Variants in CDC14A observed in about 807,000 individuals in gnomAD.
CDC14A encodes dual specificity protein phosphatase CDC14A.
Under a neutral mutation model 74.4 loss-of-function variants are expected in CDC14A, and 53 were observed. The ratio of observed to expected loss-of-function variants is 0.71; its 90% CI spans 0.57 to 0.89. CDC14A has a LOEUF of 0.89. CDC14A is among the 40% of genes least tolerant of loss of function. The pLI is 0.00. For synonymous variants in CDC14A, 247 were observed against 258.4 expected (o/e 0.96, Z 0.43); for missense variants, 646 against 713.7 (o/e 0.91, Z 1.08).
At chr1:100,485,757 A>G (rs1366459239) in intron 11 of CDC14A, 1 of 152,184 alleles carries the variant, frequency 6.6e-6, no homozygotes, top group Non-Finnish European at 1.5e-5. Flanking sequence ...TGGCATCCCA[A>G]ACAGATTTCT....
At chr1:100,463,487 T>TG (rs1667509098) in intron 9 of CDC14A, among the ~76,000 whole-genome samples, 1 of 152,204 alleles carries the variant, frequency 6.6e-6, no homozygotes, top group South Asian at 2.1e-4. Flanking sequence ...CTCTGATCTC[T>TG]GGGGGTGGAT....
At chr1:100,504,884 A>G (rs1476465021) in intron 15 of CDC14A, 25 of 1,535,178 alleles carry the variant, frequency 1.6e-5, no homozygotes, top group South Asian at 5.9e-5. Flanking sequence ...CCAATTTCTC[A>G]TCTTTAAATA....
At chr1:100,346,303 G>T (rs7516666) in intron 1 of CDC14A, among the ~76,000 whole-genome samples, 107,384 of 152,058 alleles carry the variant, frequency 0.71, 38,208 homozygotes, top group East Asian at 0.86. Context: ...TCTATTTTTG[G>T]AGTAAAAATG....
chr1:100,492,590 C>A (rs1036863796), intron 11 of CDC14A, among the ~76,000 whole-genome samples: 6 of 152,114 alleles, frequency 3.9e-5, no homozygotes, highest in African/African-American at 1.4e-4. Flanking sequence ...AAACATTGTT[C>A]ACGGTTGAGC....
chr1:100,431,758 G>T (rs1484097406), intron 5 of CDC14A, among the ~76,000 whole-genome samples: 7 of 151,952 alleles, frequency 4.6e-5, no homozygotes, highest in Non-Finnish European at 8.8e-5. Flanking sequence ...GTTTAGGTGG[G>T]AGGATTGCTT....
chr1:100,497,493 A>G lies in CDC14A; in HGVS notation c.1299-592A>G, dbSNP rs562255753. Among the ~76,000 whole-genome samples, 8 of 152,382 alleles carry G rather than the reference A, an allele frequency of 5.2e-5. No individual in the cohort carries two copies. The South Asian group carries it at 8.3e-4, about 16-fold the overall frequency. On this transcript the variant is annotated intron_variant, in intron 13 of 15. Coordinates refer to ENST00000336454, the MANE Select transcript of CDC14A (RefSeq NM_003672.4). ...AGAGGAAAGATGAAATGATTTAAACAGTGAAGTGACATGATTCACTGAAGG... is the reference window on the plus strand; with the variant it reads ...AGAGGAAAGATGAAATGATTTAAACGGTGAAGTGACATGATTCACTGAAGG...
rs1388731940 is a variant in CDC14A, at chr1:100,506,946, C to T, written c.1755+7684C>T. 5.3e-5 allele frequency among the ~76,000 whole-genome samples: 8 copies of T among 152,218 alleles called. No homozygotes were observed. The East Asian group carries it at 5.8e-4, about 11-fold the overall frequency. On this transcript the variant is annotated intron_variant, in intron 15 of 15. Transcript: ENST00000336454. ...ATCCTAGCACTTTAGGAGGCTAAGG[C>T]GAGAGGATCACTTGAGGTCAGGAGT...
Position 100,377,538 on chromosome 1 carries a change from T to C in CDC14A, c.141-8T>C, listed in dbSNP as rs763962027. The C allele has an allele frequency of 2.5e-6, 4 of 1,604,580 alleles. No homozygotes were observed. In the South Asian group the frequency reaches 4.4e-5, roughly 18 times the overall value. On this transcript the variant is annotated splice_polypyrimidine_tract_variant and splice_region_variant and intron_variant, in intron 2 of 15. Transcript: ENST00000336454. ...AATACTACGTTTTTTGTTTTTCTTG[T>C]ATCTTAGTTTCTATGCAGATTTTGG... is the stretch of plus-strand genomic sequence containing the variant.
At chr1:100,364,234 A>AC (rs2100906216) in intron 2 of CDC14A, among the ~76,000 whole-genome samples, 1 of 150,926 alleles carries the variant, frequency 6.6e-6, no homozygotes, top group South Asian at 2.1e-4. Flanking sequence ...TTTGAGATGG[A>AC]GTCTCGCTCT....
At position 100,420,031 on chromosome 1, in the gene CDC14A, T is replaced by C. The variant is rs866612639; in HGVS notation, c.310-4191T>C. ...ATATATACATATATATATACATATATACACACACACACACACACACACACA... is the reference window on the plus strand; with the variant it reads ...ATATATACATATATATATACATATACACACACACACACACACACACACACA... On this transcript the variant is annotated intron_variant, in intron 4 of 15. Coordinates refer to ENST00000336454, the MANE Select transcript of CDC14A (RefSeq NM_003672.4). Among the ~76,000 whole-genome samples, 432 of 82,906 alleles carry C rather than the reference T, an allele frequency of 5.2e-3. 4 individuals are homozygous for C. The highest frequency in any genetic ancestry group is 0.041 in the South Asian group (78 of 1,900). The allele number at this position is 82,906 out of a possible 152,430, so 54.4% of individuals were successfully genotyped here. A position where few individuals can be genotyped will look rare whatever the true frequency, so the allele number is the denominator to read the frequency against.
At chr1:100,431,712 T>C (rs747041271) in intron 5 of CDC14A, among the ~76,000 whole-genome samples, 2 of 151,480 alleles carry the variant, frequency 1.3e-5, no homozygotes, top group Non-Finnish European at 2.9e-5. Context: ...TAGTCAGGGG[T>C]AGTGGCACAC....
At chr1:100,347,993 A>T (rs574952167), upstream of CDC14A, among the ~76,000 whole-genome samples, 1 of 152,204 alleles carries the variant, frequency 6.6e-6, no homozygotes, top group African/African-American at 2.4e-5. Context: ...AGCAAGAAAG[A>T]ATATTTTCCG....
At chr1:100,446,991 G>A (rs534176956) in intron 7 of CDC14A, among the ~76,000 whole-genome samples, 139 of 152,264 alleles carry the variant, frequency 9.1e-4, no homozygotes, top group Middle Eastern at 3.4e-3. Context: ...GAGCCACTAC[G>A]CCTGGCCTCC....
chr1:100,379,948 G>A (rs766342104), intron 3 of CDC14A, among the ~76,000 whole-genome samples: 32 of 152,220 alleles, frequency 2.1e-4, no homozygotes, highest in Non-Finnish European at 3.8e-4. Context: ...GCACCGAGCC[G>A]TTCATGAGGG....
intron 12 of CDC14A, among the ~76,000 whole-genome samples, chr1:100,495,737 C>G (rs1200383501): frequency 1.3e-5 from 2 of 152,116 alleles, no homozygotes; most frequent in Admixed American, 6.5e-5. Flanking sequence ...AACTATAACA[C>G]TGTAGTCAGA....
chr1:100,372,775 A>G (rs1654658869), intron 2 of CDC14A, among the ~76,000 whole-genome samples: 1 of 152,194 alleles, frequency 6.6e-6, no homozygotes, highest in Non-Finnish European at 1.5e-5. Flanking sequence ...ACTTCCTCCC[A>G]TAAATCTTAA....
chr1:100,495,874 A>G, intron 12 of CDC14A, 128 bp from the exon 13 acceptor site: 1 of 724,744 alleles, frequency 1.4e-6, no homozygotes, highest in East Asian at 2.6e-5. Flanking sequence ...TCTAATATCC[A>G]TTTGCAAGGT....
chr1:100,447,005 G>T (rs998445283), intron 7 of CDC14A, among the ~76,000 whole-genome samples: 1 of 152,126 alleles, frequency 6.6e-6, no homozygotes, highest in Non-Finnish European at 1.5e-5. Context: ...GGCCTCCAGT[G>T]TGCAGTTTAT....
At position 100,462,772 on chromosome 1, in the gene CDC14A, G is replaced by A. The variant is rs1205898020; in HGVS notation, c.729G>A (p.Glu243=). The part of the protein sequence containing the change: ...EAKRFTDAGF[E]HYDLFFIDGS... Reference sequence around the variant, plus strand: ...AGCGCTTCACAGACGCTGGCTTCGAGCACTATGACCTCTTCTTCATAGATG... The same window carrying A: ...AGCGCTTCACAGACGCTGGCTTCGAACACTATGACCTCTTCTTCATAGATG... Residue 243 remains glutamate (E), a synonymous_variant, in exon 9 of 16, where the codon GAG becomes GAA. Transcript: ENST00000336454. 1.2e-6 allele frequency: 2 copies of A among 1,613,988 alleles called. No individual in the cohort carries two copies. The highest frequency in any genetic ancestry group is 1.7e-5 in the Admixed American group (1 of 59,998).
Sources: gnomAD v4.1 joint callset for allele counts (sites outside exome capture counted in the v4.1 genomes callset) on GRCh38, gnomAD v4.1.1 for gene constraint, MANE v1.5 for transcripts, NCBI Gene and HGNC (gene_info 2026-07-23, HGNC 2026-07-21) for gene names.